Variants in CEP63 observed in about 807,000 individuals in gnomAD.
The protein encoded by CEP63 is centrosomal protein 63, also known as centrosomal protein of 63 kDa.
In CEP63, 84 loss-of-function variants were observed where a neutral mutation model predicts 89.1. The ratio of observed to expected loss-of-function variants is 0.94; its 90% CI spans 0.79 to 1.13. The LOEUF (loss-of-function observed/expected upper bound fraction) is 1.13. Ranked by LOEUF, CEP63 falls within the 50% of genes most tolerant of loss-of-function variation. The probability of loss-of-function intolerance (pLI) is 0.00; values close to 1 mark genes in which losing one functional copy is unlikely to be tolerated. For missense variants in CEP63, 838 were observed against 813.3 expected, an observed-to-expected ratio of 1.03 and a Z score of -0.37; for synonymous variants, 267 against 272.5, an observed-to-expected ratio of 0.98 and a Z score of 0.20.
rs529515036 is a variant in CEP63, at chr3:134,564,654, T to C, written c.*3119T>C. 2.0e-5 allele frequency: 20 copies of C among 985,404 alleles called. No homozygotes were observed. In the African/African-American group the frequency reaches 3.5e-4, roughly 17 times the overall value. 61.0% of individuals were successfully genotyped at this position (985,404 alleles called of 1,614,324 possible). A position where few individuals can be genotyped will look rare whatever the true frequency, so the allele number is the denominator to read the frequency against. On this transcript the variant is annotated 3_prime_UTR_variant, in exon 15 of 15. Coordinates refer to ENST00000675561, the MANE Select transcript of CEP63 (RefSeq NM_001353108.3). ...TAATATCTAATGGGGTCGAGAAGAT[T>C]TACTGAAAATATATATTTGAAAGGG...
the CEP63 span, among the ~76,000 whole-genome samples, chr3:134,760,316 C>A: frequency 2.6e-5 from 4 of 152,152 alleles, no homozygotes; most frequent in African/African-American, 9.7e-5. Flanking sequence ...GCCTCGGCCT[C>A]CCAAAGTGCT....
chr3:134,745,713 G>T, the CEP63 span, among the ~76,000 whole-genome samples: 1 of 151,754 alleles, frequency 6.6e-6, no homozygotes, highest in Non-Finnish European at 1.5e-5. Flanking sequence ...GCCCCAGTGT[G>T]TTATGTTCCC....
At chr3:134,578,322 G>GTTTTTTTTTTT (rs71139542), downstream of CEP63, among the ~76,000 whole-genome samples, 53 of 62,094 alleles carry the variant, frequency 8.5e-4, 5 homozygotes, top group African/African-American at 1.2e-3. Context: ...TCTGACTTGT[G>GTTTTTTTTTTT]TTTTTTTTTT....
At chr3:134,677,895 C>G in the CEP63 span, among the ~76,000 whole-genome samples, 1 of 151,920 alleles carries the variant, frequency 6.6e-6, no homozygotes, top group Non-Finnish European at 1.5e-5. Flanking sequence ...TCCTGGCATG[C>G]TTTCTCTCTC....
chr3:134,595,935 G>A, the CEP63 span, among the ~76,000 whole-genome samples: 1 of 152,158 alleles, frequency 6.6e-6, no homozygotes, highest in Non-Finnish European at 1.5e-5. Context: ...AGGCTTTGCT[G>A]TAGAAGATGT....
chr3:134,571,976 G>A (rs1456493532), intron 11 of CEP63, among the ~76,000 whole-genome samples: 1 of 152,174 alleles, frequency 6.6e-6, no homozygotes, highest in Non-Finnish European at 1.5e-5. Context: ...TGCTAGCACT[G>A]TGGCCTATAC....
the CEP63 span, among the ~76,000 whole-genome samples, chr3:134,765,403 A>G: frequency 2.0e-5 from 3 of 152,316 alleles, no homozygotes; most frequent in South Asian, 4.1e-4. Context: ...ACAACAGACC[A>G]AGAGGCACCC....
At chr3:134,718,456 T>C in the CEP63 span, among the ~76,000 whole-genome samples, 2 of 152,240 alleles carry the variant, frequency 1.3e-5, no homozygotes, top group Non-Finnish European at 2.9e-5. Context: ...TCCTGAATTA[T>C]CAGGAAGCTT....
chr3:134,771,632 C>A, the CEP63 span, among the ~76,000 whole-genome samples: 2 of 152,064 alleles, frequency 1.3e-5, no homozygotes, highest in Non-Finnish European at 2.9e-5. Flanking sequence ...TACACTGGGT[C>A]CTGTCAGTGG....
chr3:134,548,200 T>C (rs780059390), intron 9 of CEP63, among the ~76,000 whole-genome samples: 22 of 152,254 alleles, frequency 1.4e-4, no homozygotes, highest in Non-Finnish European at 2.8e-4. Context: ...ATTTCTGTAC[T>C]TCTCTTTAAG....
At chr3:134,485,946 C>T (rs928997237), upstream of CEP63, 20 of 981,608 alleles carry the variant, frequency 2.0e-5, no homozygotes, top group African/African-American at 1.9e-4. Flanking sequence ...CGCTGGAAAC[C>T]CTTACCGGCA....
At chr3:134,507,603 T>G (rs1434113922) in intron 3 of CEP63, among the ~76,000 whole-genome samples, 1 of 152,312 alleles carries the variant, frequency 6.6e-6, no homozygotes, top group East Asian at 1.9e-4. Context: ...TTCACTGAGT[T>G]TCATGGAAAT....
At chr3:134,768,963 G>A in the CEP63 span, among the ~76,000 whole-genome samples, 65 of 152,214 alleles carry the variant, frequency 4.3e-4, no homozygotes, top group East Asian at 0.011. Flanking sequence ...GAAGTTTCTA[G>A]GAGCTAACAG....
chr3:134,530,798 T>G (rs776528258), intron 3 of CEP63, among the ~76,000 whole-genome samples: 4 of 152,240 alleles, frequency 2.6e-5, no homozygotes, highest in Non-Finnish European at 4.4e-5. Context: ...CTATAATTTT[T>G]TATTGGAATT....
chr3:134,756,432 C>T, the CEP63 span, among the ~76,000 whole-genome samples: 4 of 152,238 alleles, frequency 2.6e-5, no homozygotes, highest in Non-Finnish European at 4.4e-5. Context: ...AAACCTCGAC[C>T]TCCTGGGCTT....
the CEP63 span, among the ~76,000 whole-genome samples, chr3:134,617,776 G>C: frequency 2.0e-5 from 3 of 152,336 alleles, no homozygotes; most frequent in South Asian, 2.1e-4. Context: ...CCTGGAAGGA[G>C]CTCTGGGGAG....
chr3:134,502,550 A>T (rs1942299344), intron 2 of CEP63, among the ~76,000 whole-genome samples: 3 of 151,916 alleles, frequency 2.0e-5, no homozygotes, highest in Admixed American at 6.6e-5. Flanking sequence ...CAATTCTGGG[A>T]GGTTGTGTGT....
chr3:134,496,990 G>T (rs946581865), intron 2 of CEP63, among the ~76,000 whole-genome samples: 1 of 152,162 alleles, frequency 6.6e-6, no homozygotes, highest in Non-Finnish European at 1.5e-5. Context: ...ATGAATCATT[G>T]TGGTTTTCAC....
At chr3:134,522,393 C>T (rs887258452) in intron 3 of CEP63, among the ~76,000 whole-genome samples, 4 of 151,990 alleles carry the variant, frequency 2.6e-5, no homozygotes, top group Non-Finnish European at 5.9e-5. Context: ...ATAGGTGATT[C>T]TAGTGAAAGA....
Sources: gnomAD v4.1 joint callset for allele counts (sites outside exome capture counted in the v4.1 genomes callset) on GRCh38, gnomAD v4.1.1 for gene constraint, MANE v1.5 for transcripts, NCBI Gene and HGNC (gene_info 2026-07-23, HGNC 2026-07-21) for gene names.